Variants in COL21A1 observed in about 807,000 individuals in gnomAD.
The protein encoded by COL21A1 is collagen type XXI alpha 1 chain, also known as collagen alpha-1(XXI) chain.
A neutral mutation model predicts 137.9 loss-of-function variants in COL21A1; 149 were observed. That is an observed-to-expected ratio of 1.08 (90% confidence interval 0.95 to 1.24). COL21A1 has a LOEUF of 1.24. COL21A1 is among the 50% of genes most tolerant of loss of function. COL21A1 has a pLI of 0.00. For synonymous variants in COL21A1, 456 were observed against 391.5 expected (o/e 1.16, Z -1.95); for missense variants, 1,167 against 1,158.4 (o/e 1.01, Z -0.11).
upstream of COL21A1, among the ~76,000 whole-genome samples, chr6:56,249,232 T>A (rs900089625): frequency 2.0e-5 from 3 of 152,166 alleles, no homozygotes; most frequent in Non-Finnish European, 4.4e-5. Context: ...TTAGGGAGGA[T>A]ATGGAGAAAT....
chr6:56,176,933 GGAA>G (rs1326579925), intron 3 of COL21A1, among the ~76,000 whole-genome samples: 2 of 147,086 alleles, frequency 1.4e-5, no homozygotes, highest in Non-Finnish European at 3.0e-5. Flanking sequence ...AGGGGGAGGA[GGAA>G]GGAGGAGGAG....
intron 1 of COL21A1, among the ~76,000 whole-genome samples, chr6:56,348,057 C>T (rs533994833): frequency 7.2e-5 from 11 of 152,110 alleles, no homozygotes; most frequent in Non-Finnish European, 1.2e-4. Context: ...AGGAGGAATA[C>T]GCAGTCACAT....
chr6:56,124,184 T>C (rs980235188), intron 15 of COL21A1, 55 bp downstream of exon 15: 16 of 1,543,264 alleles, frequency 1.0e-5, no homozygotes, highest in Non-Finnish European at 1.3e-5. Flanking sequence ...ACAGATACTA[T>C]AAGATAGATT....
chr6:56,205,803 G>A (rs1779736898), intron 1 of COL21A1, among the ~76,000 whole-genome samples: 1 of 152,200 alleles, frequency 6.6e-6, no homozygotes, highest in Non-Finnish European at 1.5e-5. Context: ...AACCCTATAA[G>A]CCAGAAGAGA....
intron 1 of COL21A1, among the ~76,000 whole-genome samples, chr6:56,325,764 T>C (rs998795756): frequency 2.8e-4 from 5 of 18,034 alleles, no homozygotes; most frequent in African/African-American, 3.8e-4. Context: ...ATAAATATTA[T>C]ATATTATATA....
chr6:56,382,716 C>T (rs2094010825), intron 1 of COL21A1, among the ~76,000 whole-genome samples: 1 of 152,094 alleles, frequency 6.6e-6, no homozygotes, highest in Non-Finnish European at 1.5e-5. Flanking sequence ...CAGCTGGAAG[C>T]CAGGAAGAGG....
intron 1 of COL21A1, among the ~76,000 whole-genome samples, chr6:56,316,161 G>A (rs1025731875): frequency 2.0e-5 from 3 of 152,008 alleles, no homozygotes; most frequent in Non-Finnish European, 2.9e-5. Flanking sequence ...CTGTGAAGTG[G>A]CTAAATCAAG....
At chr6:56,128,540 G>T (rs1324802876) in intron 12 of COL21A1, among the ~76,000 whole-genome samples, 1 of 152,150 alleles carries the variant, frequency 6.6e-6, no homozygotes, top group East Asian at 1.9e-4. Flanking sequence ...TCCCATACAA[G>T]GATCTTCTAT....
At chr6:56,371,086 G>T (rs2093987824) in intron 1 of COL21A1, among the ~76,000 whole-genome samples, 1 of 152,172 alleles carries the variant, frequency 6.6e-6, no homozygotes, top group Non-Finnish European at 1.5e-5. Context: ...AGTTACTCAT[G>T]TCTGCTGAAA....
In COL21A1 at chr6:56,156,944, G is replaced by A. The variant is rs758603576; in HGVS notation, c.1377C>T (p.Asp459=). The change falls in exon 10 of 30, where the codon GAC becomes GAT. Residue 459 remains aspartate (D), a synonymous_variant. Transcript: ENST00000244728. ...AGCCAGGGTTCCCAGGCAGTCCAGG[G>A]TCACCCTAAGCAGGAAGCAAACAAA... ...GKPGLQGPKG[D]PGLPGNPGYP... 10 of 1,610,682 alleles carry A rather than the reference G, an allele frequency of 6.2e-6. No individual in the cohort carries two copies. The highest frequency in any genetic ancestry group is 7.6e-6 in the Non-Finnish European group (9 of 1,178,494).
At chr6:56,369,370 A>C (rs1410852287) in intron 1 of COL21A1, among the ~76,000 whole-genome samples, 5 of 151,920 alleles carry the variant, frequency 3.3e-5, no homozygotes, top group African/African-American at 1.2e-4. Flanking sequence ...ACCATCCTAC[A>C]TATCACACAG....
intron 1 of COL21A1, among the ~76,000 whole-genome samples, chr6:56,280,856 A>G (rs1342386744): frequency 6.6e-6 from 1 of 151,954 alleles, no homozygotes; most frequent in Non-Finnish European, 1.5e-5. Context: ...ACAAAAAATA[A>G]ACACACACAC....
At chr6:56,103,134 C>A (rs1035541286) in intron 16 of COL21A1, among the ~76,000 whole-genome samples, 9 of 152,192 alleles carry the variant, frequency 5.9e-5, no homozygotes, top group Non-Finnish European at 1.0e-4. Flanking sequence ...GTCCTCAGAC[C>A]AGGCAAGATC....
At chr6:56,093,526 G>GA (rs139785344) in intron 17 of COL21A1, among the ~76,000 whole-genome samples, 23,080 of 152,002 alleles carry the variant, frequency 0.15, 1,772 homozygotes, top group Middle Eastern at 0.22. Flanking sequence ...AAGAAGAAAA[G>GA]GTCGCTGACC....
chr6:56,113,778 GACTCGACTCTT>G (rs1771654718), intron 16 of COL21A1, among the ~76,000 whole-genome samples: 1 of 152,088 alleles, frequency 6.6e-6, no homozygotes, highest in Non-Finnish European at 1.5e-5. Context: ...CCAATTCCAG[GACTCGACTCTT>G]AGACAGCATT....
intron 1 of COL21A1, among the ~76,000 whole-genome samples, chr6:56,214,119 T>C (rs536506550): frequency 1.3e-5 from 2 of 152,198 alleles, no homozygotes; most frequent in African/African-American, 4.8e-5. Flanking sequence ...TTCTTTTTCT[T>C]GGAGCAGGAA....
chr6:56,343,048 T>G (rs1765506250), intron 1 of COL21A1, among the ~76,000 whole-genome samples: 1 of 152,154 alleles, frequency 6.6e-6, no homozygotes, highest in Admixed American at 6.5e-5. Flanking sequence ...AATCCTTGCC[T>G]TTATCAAGTA....
chr6:56,293,442 A>G (rs902149513), intron 1 of COL21A1, among the ~76,000 whole-genome samples: 11 of 152,156 alleles, frequency 7.2e-5, no homozygotes, highest in Non-Finnish European at 2.9e-5. Flanking sequence ...ATATGAAGAT[A>G]AAGATATTAT....
intron 16 of COL21A1, among the ~76,000 whole-genome samples, chr6:56,107,789 A>AATT (rs1303931508): frequency 6.6e-6 from 1 of 152,188 alleles, no homozygotes; most frequent in Non-Finnish European, 1.5e-5. Context: ...AACCTTTATT[A>AATT]AACCCAAATG....
Sources: gnomAD v4.1 joint callset for allele counts (sites outside exome capture counted in the v4.1 genomes callset) on GRCh38, gnomAD v4.1.1 for gene constraint, MANE v1.5 for transcripts, NCBI Gene and HGNC (gene_info 2026-07-23, HGNC 2026-07-21) for gene names.